The following NME7 variants were observed in gnomAD, a reference collection of about 807,000 sequenced individuals.
The protein encoded by NME7 is NME/NM23 family member 7.
NME7 carries 41 observed loss-of-function variants against 49.1 expected under a neutral mutation model. The observed-to-expected ratio is 0.83, with a 90% CI of 0.65 to 1.08. NME7 has a LOEUF of 1.08. NME7 is among the 50% of genes least tolerant of loss of function. NME7 has a pLI of 0.00. For synonymous variants in NME7, 139 were observed against 150.6 expected (o/e 0.92, Z 0.56); for missense variants, 423 against 463.4 (o/e 0.91, Z 0.80).
intron 10 of NME7, among the ~76,000 whole-genome samples, chr1:169,187,169 T>C (rs1488955773): frequency 2.0e-5 from 3 of 152,062 alleles, no homozygotes; most frequent in African/African-American, 7.2e-5. Context: ...GAGTGTTTTA[T>C]GTATAACTAT....
At chr1:169,271,026 C>T (rs979388993) in intron 7 of NME7, among the ~76,000 whole-genome samples, 1 of 133,204 alleles carries the variant, frequency 7.5e-6, no homozygotes, top group Admixed American at 7.4e-5. Flanking sequence ...TTTTTCTTTC[C>T]TTTTAAAACC....
At position 169,169,546 on chromosome 1, in the gene NME7, G is replaced by T; in HGVS notation, c.999C>A (p.Ala333=). ...TGAGAGTTCCAGGGCGTAAATGCCGGGCAATTTCCTATTAAACATACATTC... is the reference window on the plus strand; with the variant it reads ...TGAGAGTTCCAGGGCGTAAATGCCGTGCAATTTCCTATTAAACATACATTC... ...EFCGPADPEI[A]RHLRPGTLRA... The change falls in exon 11 of 12, where the codon GCC becomes GCA. Residue 333 remains alanine, a synonymous_variant. Coordinates refer to ENST00000367811, the MANE Select transcript of NME7 (RefSeq NM_013330.5). 1 of 1,613,614 alleles carries T rather than the reference G, an allele frequency of 6.2e-7. No individual in the cohort carries two copies.
At chr1:169,224,602 GA>G (rs1399435430) in intron 10 of NME7, among the ~76,000 whole-genome samples, 1 of 152,026 alleles carries the variant, frequency 6.6e-6, no homozygotes, top group African/African-American at 2.4e-5. Flanking sequence ...TATGAGTGGT[GA>G]AAACAAGGCA....
At chr1:169,134,341 C>T in intron 11 of NME7, among the ~76,000 whole-genome samples, 1 of 152,188 alleles carries the variant, frequency 6.6e-6, no homozygotes, top group East Asian at 1.9e-4. Flanking sequence ...CAGTAGATGA[C>T]ATATTTCATG....
At chr1:169,301,043 A>T (rs1319204596) in intron 5 of NME7, among the ~76,000 whole-genome samples, 1 of 152,180 alleles carries the variant, frequency 6.6e-6, no homozygotes, top group African/African-American at 2.4e-5. Context: ...TTTATGACTA[A>T]GTCCTCAAAA....
intron 1 of NME7, among the ~76,000 whole-genome samples, chr1:169,365,015 A>G (rs1017465581): frequency 1.1e-4 from 17 of 152,326 alleles, no homozygotes; most frequent in African/African-American, 3.8e-4. Flanking sequence ...TCACTATTGT[A>G]AAACCTAAGA....
intron 3 of NME7, among the ~76,000 whole-genome samples, chr1:169,320,082 C>A (rs1190821008): frequency 2.0e-5 from 3 of 152,088 alleles, no homozygotes; most frequent in South Asian, 2.1e-4. Flanking sequence ...CATATTGACT[C>A]ATCATATGAA....
chr1:169,184,041 T>C (rs1571272705), intron 10 of NME7, among the ~76,000 whole-genome samples: 1 of 152,224 alleles, frequency 6.6e-6, no homozygotes, highest in East Asian at 1.9e-4. Flanking sequence ...AGTTATATTC[T>C]AAAAGGTAAC....
chr1:169,235,142 T>C lies in NME7; in HGVS notation c.877A>G (p.Thr293Ala), dbSNP rs1269235865. The C allele has an allele frequency of 2.6e-6, 4 of 1,517,384 alleles. No homozygotes were observed. Among genetic ancestry groups the C allele is most frequent in the Non-Finnish European group, 3.6e-6 (4 of 1,103,740 alleles). 94.0% of individuals were successfully genotyped at this position (1,517,384 alleles called of 1,614,324 possible). A position where few individuals can be genotyped will look rare whatever the true frequency, so the allele number is the denominator to read the frequency against. The change falls in exon 9 of 12, where the codon ACC (threonine) becomes GCC (alanine). Residue 293 changes from threonine to alanine, a missense_variant. Coordinates refer to ENST00000367811, the MANE Select transcript of NME7 (RefSeq NM_013330.5). Reference sequence around the variant, plus strand: ...ACTTTTATACTTACATGATATTCGGTCACTACTCCTTTATAAACTTCATAG... The same window carrying C: ...ACTTTTATACTTACATGATATTCGGCCACTACTCCTTTATAAACTTCATAG... ...EFYEVYKGVVTEYHDMVTEMY... is the reference protein window; with the variant it reads ...EFYEVYKGVVAEYHDMVTEMY...
intron 5 of NME7, among the ~76,000 whole-genome samples, chr1:169,300,421 C>A (rs1258743112): frequency 6.6e-6 from 1 of 152,068 alleles, no homozygotes; most frequent in East Asian, 1.9e-4. Flanking sequence ...TATCAAATAA[C>A]ATGTCTACTG....
At chr1:169,313,445 T>A (rs918691675) in intron 3 of NME7, among the ~76,000 whole-genome samples, 1 of 152,138 alleles carries the variant, frequency 6.6e-6, no homozygotes, top group African/African-American at 2.4e-5. Flanking sequence ...TCACATCATC[T>A]AAGCAGTCTC....
At chr1:169,303,038 G>C (rs900606694) in intron 5 of NME7, 107 bp downstream of exon 5, 2 of 654,594 alleles carry the variant, frequency 3.1e-6, no homozygotes, top group Middle Eastern at 2.5e-4. Flanking sequence ...TGTTGCTATG[G>C]CCCTTTTGAC....
chr1:169,158,152 C>T (rs542337875), intron 11 of NME7, among the ~76,000 whole-genome samples: 2 of 152,240 alleles, frequency 1.3e-5, no homozygotes, highest in South Asian at 2.1e-4. Flanking sequence ...TACAGTAGTG[C>T]CCCCTTATAA....
intron 10 of NME7, among the ~76,000 whole-genome samples, chr1:169,215,301 C>T (rs566886210): frequency 6.6e-6 from 1 of 152,226 alleles, no homozygotes; most frequent in African/African-American, 2.4e-5. Flanking sequence ...TCTTTATAGG[C>T]ACAGGATGGG....
rs771188646 is a variant in NME7 at position 169,310,043 on chromosome 1, C to A, written c.316G>T (p.Ala106Ser). 6.2e-7 allele frequency: 1 copy of A among 1,608,656 alleles called. No homozygotes were observed. Among genetic ancestry groups the A allele is most frequent in the Non-Finnish European group, 8.5e-7 (1 of 1,177,750 alleles). Residue 106 changes from alanine (A) to serine (S), a missense_variant, in exon 4 of 12, where the codon GCT becomes TCT. Transcript: ENST00000367811. ...TTTATTATTTCAATTATTTCTCCAG[C>A]CTTTGATATTGCATCTGGTTTAATT... ...ALIKPDAISK[A>S]GEIIEIINKA...
intron 11 of NME7, among the ~76,000 whole-genome samples, chr1:169,143,682 A>T (rs891268104): frequency 6.6e-6 from 1 of 152,206 alleles, no homozygotes. Flanking sequence ...GGAAAAGTTC[A>T]GTGAAATGTT....
chr1:169,205,054 A>G (rs1397372240), intron 10 of NME7, among the ~76,000 whole-genome samples: 1 of 152,170 alleles, frequency 6.6e-6, no homozygotes, highest in Non-Finnish European at 1.5e-5. Context: ...ATATATATTT[A>G]CTATTGTCAC....
chr1:169,292,713 A>T (rs1176925883), intron 6 of NME7, among the ~76,000 whole-genome samples: 1 of 152,114 alleles, frequency 6.6e-6, no homozygotes, highest in Non-Finnish European at 1.5e-5. Flanking sequence ...TAGTCATGAG[A>T]TTGACGGATT....
At chr1:169,335,884 G>C (rs1327028538) in intron 1 of NME7, among the ~76,000 whole-genome samples, 1 of 151,554 alleles carries the variant, frequency 6.6e-6, no homozygotes, top group Admixed American at 6.6e-5. Flanking sequence ...AGTGAAAAGT[G>C]GCTTCTAAAC....
Sources: allele counts gnomAD v4.1 joint callset (sites outside exome capture counted in the v4.1 genomes callset), GRCh38; gene constraint gnomAD v4.1.1; transcripts MANE v1.5; gene names NCBI Gene and HGNC (gene_info 2026-07-23, HGNC 2026-07-21).